SLC28A3: variants seen among roughly 807,000 people sequenced by gnomAD.
SLC28A3 encodes the protein solute carrier family 28 member 3, also known as concentrative Na(+)-nucleoside cotransporter 3.
Under a neutral mutation model 84.2 loss-of-function variants are expected in SLC28A3, and 68 were observed. The observed-to-expected ratio is 0.81, with a 90% CI of 0.66 to 0.99. The LOEUF (loss-of-function observed/expected upper bound fraction) is 0.99, where lower values mean the gene tolerates loss of function less well. Among genes scored for constraint, SLC28A3 ranks in the 50% least tolerant of loss-of-function variants. The pLI, the probability that SLC28A3 is intolerant of heterozygous loss-of-function variation, is 0.00. For missense variants in SLC28A3, 712 were observed against 841.5 expected (o/e 0.85, Z 1.90); for synonymous variants, 267 against 303.6 (o/e 0.88, Z 1.25).
chr9:84,319,586 G>A (rs1330288898), intron 1 of SLC28A3, among the ~76,000 whole-genome samples: 2 of 152,010 alleles, frequency 1.3e-5, no homozygotes, highest in African/African-American at 2.4e-5. Context: ...TTACCCTTGC[G>A]GCTGTTGGGT....
chr9:84,280,886 T>C lies in SLC28A3; in HGVS notation c.1648-4A>G. 1.2e-6 allele frequency: 2 copies of C among 1,613,932 alleles called. No individual in the cohort carries two copies. Among genetic ancestry groups the C allele is most frequent in the Non-Finnish European group, 1.7e-6 (2 of 1,179,928 alleles). ...TGGCGATTATCTCAGAACGAATCTG[T>C]AAGCAAGCATAAACACATATGTATA... On this transcript the variant is annotated splice_region_variant and splice_polypyrimidine_tract_variant and intron_variant, in intron 14 of 17. Coordinates refer to ENST00000376238, the MANE Select transcript of SLC28A3 (RefSeq NM_001199633.2).
chr9:84,310,737 G>T, intron 2 of SLC28A3: 1 of 382,338 alleles, frequency 2.6e-6, no homozygotes, highest in Non-Finnish European at 3.6e-6. Context: ...AACAAGGAAG[G>T]TGTGAGGATA....
chr9:84,298,213 G>A (rs1374179693), intron 6 of SLC28A3, among the ~76,000 whole-genome samples, 194 bp from the exon 7 acceptor site: 5 of 152,152 alleles, frequency 3.3e-5, no homozygotes, highest in African/African-American at 7.2e-5. Context: ...CAGGCCAGGC[G>A]CAGTGGCTCA....
Position 84,309,701 on chromosome 9 carries a change from A to T in SLC28A3, c.170T>A (p.Val57Asp). 5.0e-6 allele frequency: 8 copies of T among 1,613,686 alleles called. No homozygotes were observed. Among genetic ancestry groups the T allele is most frequent in the Non-Finnish European group, 6.8e-6 (8 of 1,179,880 alleles). ...HTNTKQDEEQ[V>D]TVEQDSPRNR... The stretch of plus-strand genomic sequence containing the variant: ...TCTTGGAGAATCCTGCTCAACTGTG[A>T]CCTGTTCTTCATCCTGGAAATCAAA... Residue 57 changes from valine (V) to aspartate (D), a missense_variant, in exon 3 of 18, where the codon GTC (valine) becomes GAC (aspartate). Coordinates refer to ENST00000376238, the MANE Select transcript of SLC28A3 (RefSeq NM_001199633.2).
In SLC28A3 at chr9:84,285,567, T is replaced by C. The variant is rs1234424104; in HGVS notation, c.1450-25A>G. On this transcript the variant is annotated intron_variant, in intron 13 of 17. Transcript: ENST00000376238. ...GCTACAGAAACCAAAAGTAGACACTTGATTAGAATAGTGATTTGCTTTCAG... is the reference window on the plus strand; with the variant it reads ...GCTACAGAAACCAAAAGTAGACACTCGATTAGAATAGTGATTTGCTTTCAG... The C allele has an allele frequency of 3.1e-6, 5 of 1,612,866 alleles. No homozygotes were observed. The African/African-American group carries it at 4.0e-5, about 13-fold the overall frequency.
intron 1 of SLC28A3, among the ~76,000 whole-genome samples, chr9:84,320,208 C>T (rs1369704907): frequency 6.8e-6 from 1 of 146,620 alleles, no homozygotes; most frequent in Non-Finnish European, 1.5e-5. Context: ...CGCCACCACA[C>T]CCTGCTCATT....
At chr9:84,294,101 C>T (rs1825329827) in intron 9 of SLC28A3, 94 bp downstream of exon 9, 6 of 1,088,822 alleles carry the variant, frequency 5.5e-6, no homozygotes, top group Non-Finnish European at 6.7e-6. Context: ...AAGAGAAAGG[C>T]ACTTCGTAAA....
chr9:84,337,123 A>G lies in SLC28A3; in HGVS notation c.60+3451T>C, dbSNP rs114661234. Among the ~76,000 whole-genome samples, 1,095 of 152,318 alleles carry G rather than the reference A, an allele frequency of 7.2e-3. 28 individuals are homozygous for G. The highest frequency in any genetic ancestry group is 0.026 in the African/African-American group (1,061 of 41,566). On this transcript the variant is annotated intron_variant, in intron 1 of 17. Coordinates refer to ENST00000376238, the MANE Select transcript of SLC28A3 (RefSeq NM_001199633.2). Reference sequence around the variant, plus strand: ...CCCTGGTAAGATAGCAAGACAAAATATAAAAAATAATAAATATAAGAATAC... The same window carrying G: ...CCCTGGTAAGATAGCAAGACAAAATGTAAAAAATAATAAATATAAGAATAC...
intron 1 of SLC28A3, among the ~76,000 whole-genome samples, chr9:84,318,110 G>T (rs1314646000): frequency 1.3e-5 from 2 of 152,094 alleles, no homozygotes; most frequent in African/African-American, 4.8e-5. Flanking sequence ...TGACTCACTT[G>T]GTTCATGTAA....
intron 3 of SLC28A3, among the ~76,000 whole-genome samples, chr9:84,308,570 C>G (rs1402286660): frequency 6.6e-6 from 1 of 152,058 alleles, no homozygotes; most frequent in Non-Finnish European, 1.5e-5. Context: ...AAATCTATTT[C>G]TAGATTTAAA....
intron 1 of SLC28A3, among the ~76,000 whole-genome samples, chr9:84,326,228 G>A (rs1487367438): frequency 4.0e-5 from 6 of 151,642 alleles, no homozygotes; most frequent in Non-Finnish European, 7.4e-5. Flanking sequence ...AGCATCCATG[G>A]CCCAGCTTCT....
the SLC28A3 span, among the ~76,000 whole-genome samples, chr9:84,350,585 G>A: frequency 6.6e-6 from 1 of 152,050 alleles, no homozygotes; most frequent in African/African-American, 2.4e-5. Context: ...GTGAGTTAGT[G>A]GTGAGTTAAT....
At chr9:84,295,134 GC>G (rs199613245) in intron 8 of SLC28A3, among the ~76,000 whole-genome samples, 105 of 152,020 alleles carry the variant, frequency 6.9e-4, no homozygotes, top group African/African-American at 2.4e-3. Flanking sequence ...CAAACATGGT[GC>G]CCCCCCTACT....
At chr9:84,365,312 A>G in the SLC28A3 span, among the ~76,000 whole-genome samples, 3,314 of 152,256 alleles carry the variant, frequency 0.022, 123 homozygotes, top group African/African-American at 0.075. Context: ...TGCCATTTAA[A>G]TGTCTTCTTT....
intron 2 of SLC28A3, among the ~76,000 whole-genome samples, chr9:84,311,068 C>T (rs374722073): frequency 5.9e-5 from 9 of 152,044 alleles, no homozygotes; most frequent in Non-Finnish European, 8.8e-5. Context: ...ACAGCCAGGC[C>T]GCTGGAGAGA....
At chr9:84,289,301 A>G (rs546338531) in intron 11 of SLC28A3, among the ~76,000 whole-genome samples, 2 of 152,280 alleles carry the variant, frequency 1.3e-5, no homozygotes, top group South Asian at 2.1e-4. Context: ...AATGAAGCCC[A>G]CTTATTTTGT....
At chr9:84,350,384 T>C in the SLC28A3 span, among the ~76,000 whole-genome samples, 3 of 151,904 alleles carry the variant, frequency 2.0e-5, no homozygotes, top group African/African-American at 7.3e-5. Flanking sequence ...GAGTTTGCAG[T>C]GAGCCAAGAT....
At chr9:84,338,095 A>G (rs1827044341) in intron 1 of SLC28A3, among the ~76,000 whole-genome samples, 1 of 152,256 alleles carries the variant, frequency 6.6e-6, no homozygotes, top group Non-Finnish European at 1.5e-5. Context: ...TTGGGAACCC[A>G]TATCAGCATT....
chr9:84,363,477 C>T, the SLC28A3 span, among the ~76,000 whole-genome samples: 6,659 of 152,228 alleles, frequency 0.044, 205 homozygotes, highest in African/African-American at 0.089. Context: ...CAAAACGGTA[C>T]AGCAAGCAAG....
Sources: gnomAD v4.1 joint callset for allele counts (sites outside exome capture counted in the v4.1 genomes callset) on GRCh38, gnomAD v4.1.1 for gene constraint, MANE v1.5 for transcripts, NCBI Gene and HGNC (gene_info 2026-07-23, HGNC 2026-07-21) for gene names.